Variants in PTK7 observed in about 807,000 individuals in gnomAD.
PTK7 encodes the protein protein tyrosine kinase 7 (inactive).
PTK7 carries 39 observed loss-of-function variants against 116.6 expected under a neutral mutation model. The observed-to-expected ratio is 0.33, with a 90% confidence interval of 0.26 to 0.44. PTK7 has a LOEUF of 0.44. Among genes scored for constraint, PTK7 ranks in the 20% least tolerant of loss-of-function variants. The pLI is 1.00. For missense variants in PTK7, 1,169 were observed against 1,425.6 expected (o/e 0.82, Z 2.90); for synonymous variants, 546 against 563.6 (o/e 0.97, Z 0.44).
In PTK7 at chr6:43,152,932, C is replaced by T. The variant is rs571926903; in HGVS notation, c.2722-5885C>T. Among the ~76,000 whole-genome samples the T allele has an allele frequency of 7.9e-5, 12 of 151,526 alleles. No homozygotes were observed. In the South Asian group the frequency reaches 1.7e-3, roughly 21 times the overall value. ...CCCTGAGTAGCTGGGATTACAGGTG[C>T]GTGCCACCACACCTGGCTAATTTTT... On this transcript the variant is annotated intron_variant, in intron 17 of 19. Coordinates refer to ENST00000230419, the MANE Select transcript of PTK7 (RefSeq NM_002821.5).
chr6:43,141,677 G>C lies in PTK7; in HGVS notation c.1628G>C (p.Ser543Thr). 1 of 1,614,020 alleles carries C rather than the reference G, an allele frequency of 6.2e-7. No homozygotes were observed. Among genetic ancestry groups the C allele is most frequent in the Non-Finnish European group, 8.5e-7 (1 of 1,179,946 alleles). Residue 543 changes from serine to threonine, a missense_variant, in exon 11 of 20, where the codon AGC (serine) becomes ACC (threonine). Around this residue, in one of 3 missense-constraint regions of PTK7, gnomAD observed 678 missense variants for 853.8 expected, o/e 0.79. Coordinates refer to ENST00000230419, the MANE Select transcript of PTK7 (RefSeq NM_002821.5). This position sits in a 1 kb window ranked among gnomAD's most constrained non-coding sequence, Gnocchi z 4.9. ...TIKWERADGS[S>T]LPEWVTDNAG... The stretch of plus-strand genomic sequence containing the variant: ...TTTGTTACCCCTGCAGATGGGAGCA[G>C]CCTCCCAGAGTGGGTGACAGACAAC...
intron 17 of PTK7, among the ~76,000 whole-genome samples, chr6:43,151,126 C>T (rs1442487547): frequency 6.6e-6 from 1 of 151,696 alleles, no homozygotes; most frequent in Non-Finnish European, 1.5e-5. Flanking sequence ...CAGCCAGACT[C>T]TGCTTTTTCA....
intron 18 of PTK7, among the ~76,000 whole-genome samples, chr6:43,159,389 T>C (rs1771703492): frequency 6.6e-6 from 1 of 152,206 alleles, no homozygotes; most frequent in East Asian, 1.9e-4. Context: ...AACATCACCC[T>C]GAGTCCCTCT....
chr6:43,110,597 A>G (rs1459412682), intron 1 of PTK7, among the ~76,000 whole-genome samples: 1 of 151,364 alleles, frequency 6.6e-6, no homozygotes, highest in Non-Finnish European at 1.5e-5. Flanking sequence ...TATTTTTATT[A>G]GAGACAGGGT....
chr6:43,141,910 C>A lies in PTK7; in HGVS notation c.1769-21C>A. On this transcript the variant is annotated intron_variant, in intron 11 of 19. Coordinates refer to ENST00000230419, the MANE Select transcript of PTK7 (RefSeq NM_002821.5). This position sits in a 1 kb window ranked among gnomAD's most constrained non-coding sequence, Gnocchi z 4.9. ...CCTTGGCTTACCCCTCCCTGCGCCTCGCTGGTCTCTTTTCTTCCAGTTTTT... is the reference window on the plus strand; with the variant it reads ...CCTTGGCTTACCCCTCCCTGCGCCTAGCTGGTCTCTTTTCTTCCAGTTTTT... 6.3e-7 allele frequency: 1 copy of A among 1,595,550 alleles called. No individual in the cohort carries two copies. The highest frequency in any genetic ancestry group is 1.3e-5 in the African/African-American group (1 of 74,498).
chr6:43,139,447 A>G lies in PTK7; in HGVS notation c.1540A>G (p.Met514Val), dbSNP rs1444347742. The G allele has an allele frequency of 4.3e-6, 7 of 1,614,256 alleles. No individual in the cohort carries two copies. The highest frequency in any genetic ancestry group is 4.5e-5 in the East Asian group (2 of 44,884). Residue 514 changes from methionine to valine, a missense_variant, in exon 10 of 20, where the codon ATG becomes GTG. Transcript: ENST00000230419. This position sits in a 1 kb window ranked among gnomAD's most constrained non-coding sequence, Gnocchi z 4.6. ...FTPPPQPQQC[M>V]EFDKEATVPC... ...ACCACCACCCCAGCCACAGCAGTGC[A>G]TGGAGTTTGACAAGGAGGCCACGGT...
chr6:43,125,499 C>G (rs547441938), intron 1 of PTK7, among the ~76,000 whole-genome samples: 54 of 152,290 alleles, frequency 3.5e-4, no homozygotes, highest in African/African-American at 1.2e-3. Context: ...GTCTGTGGTT[C>G]CTGCAAGCTC....
chr6:43,077,182 A>G (rs1440794013), intron 1 of PTK7, among the ~76,000 whole-genome samples: 5 of 152,206 alleles, frequency 3.3e-5, no homozygotes, highest in Non-Finnish European at 5.9e-5. Context: ...CATGGCCTCT[A>G]GCTACTGGTC....
chr6:43,114,054 G>A (rs1211706603), intron 1 of PTK7, among the ~76,000 whole-genome samples: 2 of 152,120 alleles, frequency 1.3e-5, no homozygotes, highest in African/African-American at 4.8e-5. Context: ...CTGCTGGGGC[G>A]GGTGGTGGGA....
intron 1 of PTK7, among the ~76,000 whole-genome samples, chr6:43,098,054 T>C (rs1461740815): frequency 6.6e-6 from 1 of 152,136 alleles, no homozygotes; most frequent in Non-Finnish European, 1.5e-5. Context: ...ATGGAAATGA[T>C]AATATCCGCC....
At chr6:43,108,015 GATT>G (rs71779653) in intron 1 of PTK7, among the ~76,000 whole-genome samples, 29,437 of 151,970 alleles carry the variant, frequency 0.19, 3,484 homozygotes, top group Admixed American at 0.29. Context: ...GTGTGTTCAC[GATT>G]ATTATTTCAG....
Position 43,139,567 on chromosome 6 carries a change from T to TC in PTK7, c.1618+43dup, listed in dbSNP as rs746594254. ...CATAGGGTAGGGGCAGGCAGGCAGT[T>TC]CACTGATCAGATACATACCTGAGGG... On this transcript the variant is annotated intron_variant, in intron 10 of 19. Coordinates refer to ENST00000230419, the MANE Select transcript of PTK7 (RefSeq NM_002821.5). This position sits in a 1 kb window ranked among gnomAD's most constrained non-coding sequence, Gnocchi z 4.6. 13 of 1,611,108 alleles carry TC rather than the reference T, an allele frequency of 8.1e-6. No individual in the cohort carries two copies. The South Asian group carries it at 1.3e-4, about 16-fold the overall frequency.
At chr6:43,125,363 A>G (rs769939587) in intron 1 of PTK7, among the ~76,000 whole-genome samples, 2 of 152,022 alleles carry the variant, frequency 1.3e-5, no homozygotes, top group Admixed American at 6.5e-5. Context: ...CACCACAGCT[A>G]TGGAGCAGTC....
At position 43,122,841 on chromosome 6, in the gene PTK7, G is replaced by A. The variant is rs557347997; in HGVS notation, c.80-6136G>A. On this transcript the variant is annotated intron_variant, in intron 1 of 19. Transcript: ENST00000230419. ...AGGCTGGTCTCGAACTCCTGACCTTGAGTGGTCTACCTGCCTTGGACTCCC... is the reference window on the plus strand; with the variant it reads ...AGGCTGGTCTCGAACTCCTGACCTTAAGTGGTCTACCTGCCTTGGACTCCC... 2.6e-5 allele frequency among the ~76,000 whole-genome samples: 4 copies of A among 152,198 alleles called. No individual in the cohort carries two copies. In the South Asian group the frequency reaches 8.3e-4, roughly 32 times the overall value.
At chr6:43,108,864 G>A (rs770627398) in intron 1 of PTK7, among the ~76,000 whole-genome samples, 6 of 152,330 alleles carry the variant, frequency 3.9e-5, no homozygotes, top group Admixed American at 2.0e-4. Context: ...TCATTAGGGG[G>A]TTGTAAAATC....
rs192947338 is a variant in PTK7, at chr6:43,090,649, G to A, written c.79+14082G>A. The stretch of plus-strand genomic sequence containing the variant: ...TTGCTGCCTCCTGCTCCCCCAGGAA[G>A]TATCTCCTTCTGGCAGACAAAGGTT... On this transcript the variant is annotated intron_variant, in intron 1 of 19. Transcript: ENST00000230419. Among the ~76,000 whole-genome samples, 561 of 152,292 alleles carry A rather than the reference G, an allele frequency of 3.7e-3. 4 individuals carry two copies. Among genetic ancestry groups the A allele is most frequent in the Non-Finnish European group, 5.3e-3 (361 of 68,022 alleles).
intron 17 of PTK7, among the ~76,000 whole-genome samples, chr6:43,148,242 G>T (rs1023508847): frequency 6.7e-6 from 1 of 149,680 alleles, no homozygotes; most frequent in African/African-American, 2.5e-5. Flanking sequence ...AACAGAGCAC[G>T]ATCCTGTCTC....
At chr6:43,124,292 G>A (rs1376993938) in intron 1 of PTK7, among the ~76,000 whole-genome samples, 1 of 152,200 alleles carries the variant, frequency 6.6e-6, no homozygotes, top group African/African-American at 2.4e-5. Context: ...TATCAGCAAA[G>A]CTTCTGACAA....
intron 17 of PTK7, among the ~76,000 whole-genome samples, chr6:43,155,181 G>A (rs182183145): frequency 6.6e-6 from 1 of 152,058 alleles, no homozygotes; most frequent in Non-Finnish European, 1.5e-5. Context: ...GCACGTGGTA[G>A]ATACTCAAAT....
Sources: gnomAD v4.1 joint callset for allele counts (sites outside exome capture counted in the v4.1 genomes callset) on GRCh38, gnomAD v4.1.1 for gene constraint, gnomAD v4.1.1 regional missense constraint, Gnocchi (gnomAD v3.1) non-coding constraint, MANE v1.5 for transcripts, NCBI Gene and HGNC (gene_info 2026-07-23, HGNC 2026-07-21) for gene names.